The following FAT3 variants were observed in gnomAD, a reference collection of about 807,000 sequenced individuals.
FAT3 encodes protocadherin Fat 3.
Under a neutral mutation model 310.2 loss-of-function variants are expected in FAT3, and 95 were observed. The observed-to-expected ratio is 0.31, with a 90% CI of 0.26 to 0.36. FAT3 has a LOEUF of 0.36. Ranked by LOEUF, FAT3 falls within the 10% of genes least tolerant of loss-of-function variation. The pLI, the probability that FAT3 is intolerant of heterozygous loss-of-function variation, is 1.00. For synonymous variants in FAT3, 2,314 were observed against 2,192.9 expected (o/e 1.06, Z -1.54); for missense variants, 5,408 against 5,715.6 (o/e 0.95, Z 1.74).
chr11:92,560,752 G>T (rs997180570), intron 3 of FAT3, among the ~76,000 whole-genome samples: 3 of 152,098 alleles, frequency 2.0e-5, no homozygotes, highest in African/African-American at 7.2e-5. Context: ...CATCATTTTT[G>T]TTCACTGTAG....
In FAT3 at chr11:92,844,739, G is replaced by A. The variant is rs1948644732; in HGVS notation, c.11365+7G>A. 1 of 1,502,712 alleles carries A rather than the reference G, an allele frequency of 6.7e-7. No homozygotes were observed. Among genetic ancestry groups the A allele is most frequent in the African/African-American group, 1.4e-5 (1 of 72,670 alleles). 93.1% of individuals were successfully genotyped at this position (1,502,712 alleles called of 1,614,324 possible). A position where few individuals can be genotyped will look rare whatever the true frequency, so the allele number is the denominator to read the frequency against. On this transcript the variant is annotated splice_region_variant and intron_variant, in intron 19 of 27. Coordinates refer to ENST00000525166, the MANE Select transcript of FAT3 (RefSeq NM_001367949.2). ...GTGCGTTGCACCTGCAATGGTGAGTGCAGTTTTGAGTGTTCCCTCTCAACT... is the reference window on the plus strand; with the variant it reads ...GTGCGTTGCACCTGCAATGGTGAGTACAGTTTTGAGTGTTCCCTCTCAACT...
intron 5 of FAT3, 24 bp downstream of exon 5, chr11:92,762,194 G>C (rs2136086878): frequency 6.3e-7 from 1 of 1,589,252 alleles, no homozygotes; most frequent in Non-Finnish European, 8.6e-7. Flanking sequence ...AACTCCAGCA[G>C]CACAGCAGAT....
chr11:92,886,747 C>A, intron 24 of FAT3: 1 of 428,546 alleles, frequency 2.3e-6, no homozygotes, highest in Non-Finnish European at 4.2e-6. Context: ...AAGAAACAGC[C>A]ACTTTTGGCT....
In FAT3 at chr11:92,224,840, C is replaced by T. The variant is rs1483112633; in HGVS notation, c.-352C>T. Among the ~76,000 whole-genome samples, 1 of 152,006 alleles carries T rather than the reference C, an allele frequency of 6.6e-6. No individual in the cohort carries two copies. Among genetic ancestry groups the T allele is most frequent in the African/African-American group, 2.4e-5 (1 of 41,464 alleles). On this transcript the variant is annotated 5_prime_UTR_variant, in exon 1 of 28. Coordinates refer to ENST00000525166, the MANE Select transcript of FAT3 (RefSeq NM_001367949.2). ...AGCAGTAGCGGCGGCGGCTGCAGCTCGGAGCAGACAGGAGAGCCGGCGCTC... is the reference window on the plus strand; with the variant it reads ...AGCAGTAGCGGCGGCGGCTGCAGCTTGGAGCAGACAGGAGAGCCGGCGCTC...
At chr11:92,311,054 A>C (rs1947290489) in intron 1 of FAT3, among the ~76,000 whole-genome samples, 1 of 151,914 alleles carries the variant, frequency 6.6e-6, no homozygotes, top group Non-Finnish European at 1.5e-5. Flanking sequence ...ATATATACAC[A>C]CACATATATG....
rs185088647 is a variant in FAT3, at chr11:92,372,581, C to G, written c.3292+17177C>G. Among the ~76,000 whole-genome samples, 27 of 152,234 alleles carry G rather than the reference C, an allele frequency of 1.8e-4. 1 individual carries two copies. The highest frequency in any genetic ancestry group is 5.5e-4 in the African/African-American group (23 of 41,548). On this transcript the variant is annotated intron_variant, in intron 2 of 27. Coordinates refer to ENST00000525166, the MANE Select transcript of FAT3 (RefSeq NM_001367949.2). ...GGTTTATCAAGGTTTTGTGATCCCT[C>G]TGTCTCTGGAACCTGGACTGCTTAG...
At chr11:92,299,005 T>C (rs1268264869) in intron 1 of FAT3, among the ~76,000 whole-genome samples, 1 of 152,084 alleles carries the variant, frequency 6.6e-6, no homozygotes, top group African/African-American at 2.4e-5. Flanking sequence ...AAACATTTCA[T>C]CTGTTGCAAT....
chr11:92,710,910 A>T (rs1944498932), intron 4 of FAT3, among the ~76,000 whole-genome samples: 1 of 152,048 alleles, frequency 6.6e-6, no homozygotes, highest in African/African-American at 2.4e-5. Context: ...CTATTCCAAA[A>T]CTCCTCTTTT....
chr11:92,692,716 A>C (rs1943830102), intron 3 of FAT3, among the ~76,000 whole-genome samples: 1 of 152,238 alleles, frequency 6.6e-6, no homozygotes, highest in South Asian at 2.1e-4. Context: ...GACATGAAGA[A>C]GTGAGAAGCA....
chr11:92,639,923 G>A (rs1410893239), intron 3 of FAT3, among the ~76,000 whole-genome samples: 1 of 152,068 alleles, frequency 6.6e-6, no homozygotes, highest in Non-Finnish European at 1.5e-5. Flanking sequence ...TGATGTCGGC[G>A]ACGTCCATGG....
intron 16 of FAT3, 113 bp downstream of exon 16, chr11:92,836,816 G>A: frequency 8.0e-7 from 1 of 1,256,724 alleles, no homozygotes; most frequent in Non-Finnish European, 1.1e-6. Context: ...AGTAATGAGA[G>A]TAAATAAGGA....
At chr11:92,282,049 G>A (rs1054232111) in intron 1 of FAT3, among the ~76,000 whole-genome samples, 1 of 151,950 alleles carries the variant, frequency 6.6e-6, no homozygotes, top group African/African-American at 2.4e-5. Context: ...AGGATTACAG[G>A]CACACACCAC....
At position 92,694,524 on chromosome 11, in the gene FAT3, C is replaced by T. The variant is rs74783654; in HGVS notation, c.3608-2860C>T. The stretch of plus-strand genomic sequence containing the variant: ...GGTGAAGGGGACCCTGCAGCTCTCC[C>T]AGTTACATGTAGGCATTGTGAAAAC... On this transcript the variant is annotated intron_variant, in intron 3 of 27. Transcript: ENST00000525166. 1.5e-3 allele frequency among the ~76,000 whole-genome samples: 231 copies of T among 152,286 alleles called. 1 individual carries two copies. The highest frequency in any genetic ancestry group is 5.3e-3 in the African/African-American group (221 of 41,558).
chr11:92,243,344 G>A (rs1864744908), intron 1 of FAT3, among the ~76,000 whole-genome samples: 1 of 152,018 alleles, frequency 6.6e-6, no homozygotes, highest in South Asian at 2.1e-4. Context: ...TCAATTGAAT[G>A]TGTGCAGGCG....
chr11:92,367,834 C>T (rs891730819), intron 2 of FAT3, among the ~76,000 whole-genome samples: 99 of 152,274 alleles, frequency 6.5e-4, no homozygotes, highest in African/African-American at 2.3e-3. Flanking sequence ...ATAACTAGAG[C>T]ACTGAGGTGA....
chr11:92,366,522 C>A (rs555941146), intron 2 of FAT3: 48 of 481,704 alleles, frequency 1.0e-4, no homozygotes, highest in Middle Eastern at 7.8e-4. Context: ...CCCTCGGCAG[C>A]CGCAGCTTCC....
chr11:92,342,610 GACTATTGGAATTAAC>G (rs1948292785), intron 1 of FAT3, among the ~76,000 whole-genome samples: 1 of 152,048 alleles, frequency 6.6e-6, no homozygotes. Context: ...TTTGCCCCCC[GACTATTGGAATTAAC>G]ACTATTTATT....
At chr11:92,787,877 G>A (rs1357659408) in intron 7 of FAT3, among the ~76,000 whole-genome samples, 1 of 151,946 alleles carries the variant, frequency 6.6e-6, no homozygotes, top group East Asian at 1.9e-4. Context: ...AGAAAAAGGA[G>A]ATACCAATGT....
In FAT3 at chr11:92,883,400, A is replaced by G. The variant is rs1307979814; in HGVS notation, c.12937+7A>G. ...TGGGACGCGGGAACTGAGAGTGAGT[A>G]GGAAGTGGTAATGCTCACCCCTCGG... On this transcript the variant is annotated splice_region_variant and intron_variant, in intron 24 of 27. Coordinates refer to ENST00000525166, the MANE Select transcript of FAT3 (RefSeq NM_001367949.2). This position sits in a 1 kb window ranked among gnomAD's most constrained non-coding sequence, Gnocchi z 4.2. 10 of 1,591,964 alleles carry G rather than the reference A, an allele frequency of 6.3e-6. No homozygotes were observed. Among genetic ancestry groups the G allele is most frequent in the Non-Finnish European group, 6.9e-6 (8 of 1,167,854 alleles).
Sources: gnomAD v4.1 joint callset for allele counts (sites outside exome capture counted in the v4.1 genomes callset) on GRCh38, gnomAD v4.1.1 for gene constraint, Gnocchi (gnomAD v3.1) non-coding constraint, MANE v1.5 for transcripts, NCBI Gene and HGNC (gene_info 2026-07-23, HGNC 2026-07-21) for gene names.